Variants in GCNT2 observed in about 807,000 individuals in gnomAD.
The protein encoded by GCNT2 is N-acetyllactosaminide beta-1,6-N-acetylglucosaminyl-transferase.
GCNT2 carries 34 observed loss-of-function variants against 34.2 expected under a neutral mutation model. That is an observed-to-expected ratio of 1.00 (90% CI 0.76 to 1.32). GCNT2 has a LOEUF of 1.32. Ranked by LOEUF, GCNT2 falls within the 40% of genes most tolerant of loss-of-function variation. The pLI is 0.00. For synonymous variants in GCNT2, 212 were observed against 188.0 expected, an observed-to-expected ratio of 1.13 and a Z score of -1.04; for missense variants, 584 against 489.4, an observed-to-expected ratio of 1.19 and a Z score of -1.82.
chr6:10,537,528 C>G (rs1236263932), intron 3 of GCNT2, among the ~76,000 whole-genome samples: 1 of 151,876 alleles, frequency 6.6e-6, no homozygotes, highest in East Asian at 1.9e-4. Flanking sequence ...TGGTGAAACC[C>G]TGTCTCTACT....
intron 3 of GCNT2, among the ~76,000 whole-genome samples, chr6:10,563,511 G>A (rs1763109214): frequency 6.6e-6 from 1 of 151,994 alleles, no homozygotes; most frequent in Non-Finnish European, 1.5e-5. Flanking sequence ...GGAGGCTGAG[G>A]CCTGTGGATC....
At chr6:10,551,590 G>GC in intron 3 of GCNT2, among the ~76,000 whole-genome samples, 1 of 151,328 alleles carries the variant, frequency 6.6e-6, no homozygotes, top group South Asian at 2.1e-4. Context: ...TACTACCGGC[G>GC]CCCACCACCA....
intron 3 of GCNT2, among the ~76,000 whole-genome samples, chr6:10,609,500 C>A (rs1020490841): frequency 2.0e-5 from 3 of 152,202 alleles, no homozygotes; most frequent in Admixed American, 2.0e-4. Context: ...AAAACTGTTG[C>A]ACTGGGGATC....
chr6:10,591,591 G>A (rs939715543), intron 3 of GCNT2, among the ~76,000 whole-genome samples: 11 of 152,208 alleles, frequency 7.2e-5, no homozygotes, highest in Non-Finnish European at 8.8e-5. Context: ...AGCAGGCGGC[G>A]TATGCAGACG....
chr6:10,539,078 T>C (rs1761915025), intron 3 of GCNT2, among the ~76,000 whole-genome samples: 1 of 152,002 alleles, frequency 6.6e-6, no homozygotes, highest in Non-Finnish European at 1.5e-5. Flanking sequence ...GTCTAAAGAT[T>C]TGTTTACTCT....
chr6:10,527,556 C>T lies in GCNT2; in HGVS notation c.-386C>T, dbSNP rs142638998. On this transcript the variant is annotated 5_prime_UTR_variant, in exon 2 of 5. Transcript: ENST00000495262. ...CTTTCACACCGGGTGCAGCTAACCA[C>T]CACATCATACAAAACTCGTCGCTGA... 6.6e-6 allele frequency: 1 copy of T among 152,310 alleles called. No individual in the cohort carries two copies. Among genetic ancestry groups the T allele is most frequent in the African/African-American group, 2.4e-5 (1 of 41,546 alleles). The allele number at this position is 152,310 out of a possible 1,614,324, so 9.4% of individuals were successfully genotyped here.
At chr6:10,579,863 G>C (rs1391368134) in intron 3 of GCNT2, among the ~76,000 whole-genome samples, 1 of 150,322 alleles carries the variant, frequency 6.7e-6, no homozygotes, top group African/African-American at 2.4e-5. Context: ...TAATAAAATG[G>C]GCATGGAGCT....
At chr6:10,618,437 G>C (rs1765888373) in intron 3 of GCNT2, among the ~76,000 whole-genome samples, 1 of 152,194 alleles carries the variant, frequency 6.6e-6, no homozygotes, top group Non-Finnish European at 1.5e-5. Flanking sequence ...ATCTGTTTCT[G>C]AGTAAGAGTC....
chr6:10,565,081 G>A (rs1763217098), intron 3 of GCNT2, among the ~76,000 whole-genome samples: 1 of 152,216 alleles, frequency 6.6e-6, no homozygotes, highest in East Asian at 1.9e-4. Context: ...TTGTGAAAGA[G>A]GTCCCAGGCA....
At chr6:10,596,030 A>C (rs1022106265) in intron 3 of GCNT2, among the ~76,000 whole-genome samples, 3 of 152,242 alleles carry the variant, frequency 2.0e-5, no homozygotes, top group Non-Finnish European at 2.9e-5. Flanking sequence ...AAATTCTGAT[A>C]TTCCAGACTA....
chr6:10,539,751 A>G (rs1192406655), intron 3 of GCNT2, among the ~76,000 whole-genome samples: 1 of 152,184 alleles, frequency 6.6e-6, no homozygotes, highest in Non-Finnish European at 1.5e-5. Flanking sequence ...ACCTTCTAAC[A>G]TTTGGTTTTG....
rs1162049878 is a variant in GCNT2, at chr6:10,588,786, TGTG to T, written c.926-32564_926-32562del. 9.8e-3 allele frequency among the ~76,000 whole-genome samples: 302 copies of T among 30,962 alleles called. 1 individual carries two copies. The highest frequency in any genetic ancestry group is 0.021 in the Admixed American group (52 of 2,514). The allele number at this position is 30,962 out of a possible 152,430, so 20.3% of individuals were successfully genotyped here. A position where few individuals can be genotyped will look rare whatever the true frequency, so the allele number is the denominator to read the frequency against. ...TGGTGTGTTTGTAGTGTGTGTGTGA[TGTG>T]TGTGTGTGTGTGTGTGTGTGGTGTA... On this transcript the variant is annotated intron_variant, in intron 3 of 4. Coordinates refer to ENST00000495262, the MANE Select transcript of GCNT2 (RefSeq NM_145649.5).
intron 3 of GCNT2, among the ~76,000 whole-genome samples, chr6:10,579,954 C>T (rs575838496): frequency 7.2e-5 from 11 of 152,028 alleles, no homozygotes; most frequent in South Asian, 2.1e-4. Context: ...CTACTGCTGT[C>T]GGCAGGGGAC....
rs937021672 is a variant in GCNT2, at chr6:10,563,202, C to A, written c.925+33366C>A. 3.9e-5 allele frequency among the ~76,000 whole-genome samples: 6 copies of A among 151,990 alleles called. No individual in the cohort carries two copies. The South Asian group carries it at 1.2e-3, about 32-fold the overall frequency. ...CATCCCTCCTGTGATATTAGAGGGG[C>A]AAGATTTAGTTTTATACATATGGGT... is the stretch of plus-strand genomic sequence containing the variant. On this transcript the variant is annotated intron_variant, in intron 3 of 4. Coordinates refer to ENST00000495262, the MANE Select transcript of GCNT2 (RefSeq NM_145649.5).
chr6:10,609,501 A>T (rs1255629761), intron 3 of GCNT2, among the ~76,000 whole-genome samples: 1 of 152,200 alleles, frequency 6.6e-6, no homozygotes, highest in Non-Finnish European at 1.5e-5. Context: ...AAACTGTTGC[A>T]CTGGGGATCA....
Position 10,629,185 on chromosome 6 carries a change from A to G in GCNT2, c.*2578A>G, listed in dbSNP as rs1176536180. The G allele has an allele frequency of 1.3e-5, 2 of 152,762 alleles. No individual in the cohort carries two copies. The highest frequency in any genetic ancestry group is 2.4e-5 in the African/African-American group (1 of 41,578). The allele number at this position is 152,762 out of a possible 1,614,324, so 9.5% of individuals were successfully genotyped here. ...AGAAATCTTTCTGGAATTGATGTTT[A>G]CATGTCTGTTGTTGGTCATCTCTCC... On this transcript the variant is annotated 3_prime_UTR_variant, in exon 5 of 5. Coordinates refer to ENST00000495262, the MANE Select transcript of GCNT2 (RefSeq NM_145649.5).
At chr6:10,574,591 T>TG (rs1763706295) in intron 3 of GCNT2, among the ~76,000 whole-genome samples, 1 of 152,266 alleles carries the variant, frequency 6.6e-6, no homozygotes, top group South Asian at 2.1e-4. Flanking sequence ...AAATTTAGGA[T>TG]GGGGGGAGCA....
rs1766328155 is a variant in GCNT2, at chr6:10,627,789, C to A, written c.*1182C>A. The A allele has an allele frequency of 6.6e-6, 1 of 152,152 alleles. No individual in the cohort carries two copies. The highest frequency in any genetic ancestry group is 2.1e-4 in the South Asian group (1 of 4,834). The allele number at this position is 152,152 out of a possible 1,614,324, so 9.4% of individuals were successfully genotyped here. A position where few individuals can be genotyped will look rare whatever the true frequency, so the allele number is the denominator to read the frequency against. On this transcript the variant is annotated 3_prime_UTR_variant, in exon 5 of 5. Transcript: ENST00000495262. Reference sequence around the variant, plus strand: ...GAGTGATTGTAGTTTAATACAGGAACACACAGGGCTGTGTAGCATGATACC... The same window carrying A: ...GAGTGATTGTAGTTTAATACAGGAAAACACAGGGCTGTGTAGCATGATACC...
chr6:10,576,911 AAATAATAAC>A (rs1226288438), intron 3 of GCNT2, among the ~76,000 whole-genome samples: 7 of 151,454 alleles, frequency 4.6e-5, no homozygotes, highest in South Asian at 2.1e-4. Flanking sequence ...CCATGTCTAA[AAATAATAAC>A]AATAATAATA....
Sources: gnomAD v4.1 joint callset for allele counts (sites outside exome capture counted in the v4.1 genomes callset) on GRCh38, gnomAD v4.1.1 for gene constraint, MANE v1.5 for transcripts, NCBI Gene and HGNC (gene_info 2026-07-23, HGNC 2026-07-21) for gene names.